The following COQ7 variants were observed in gnomAD, a reference collection of about 807,000 sequenced individuals.
COQ7 encodes the protein NADPH-dependent 3-demethoxyubiquinone 3-hydroxylase, mitochondrial.
A neutral mutation model predicts 25.0 loss-of-function variants in COQ7; 21 were observed. The ratio of observed to expected loss-of-function variants is 0.84; its 90% CI spans 0.60 to 1.21. The LOEUF (loss-of-function observed/expected upper bound fraction) is 1.21, where lower values mean the gene tolerates loss of function less well. Ranked by LOEUF, COQ7 falls within the 50% of genes most tolerant of loss-of-function variation. COQ7 has a pLI of 0.00. For synonymous variants in COQ7, 125 were observed against 112.4 expected (o/e 1.11, Z -0.71); for missense variants, 311 against 296.2 (o/e 1.05, Z -0.37).
At chr16:19,075,586 A>G in intron 3 of COQ7, 135 bp from the exon 4 acceptor site, 2 of 907,096 alleles carry the variant, frequency 2.2e-6, no homozygotes, top group Non-Finnish European at 3.3e-6. Context: ...CCCACCATGC[A>G]TGGGACAGCC....
Position 19,075,711 on chromosome 16 carries a change from A to C in COQ7, c.368-10A>C, listed in dbSNP as rs1353245838. ...CTCTTACTTTTCTGGTCTGGGTTTA[A>C]CAATCCCAGGGGCGGGGACCGCCTT... On this transcript the variant is annotated splice_polypyrimidine_tract_variant and intron_variant, in intron 3 of 5. Transcript: ENST00000321998. 1 of 1,556,618 alleles carries C rather than the reference A, an allele frequency of 6.4e-7. No individual in the cohort carries two copies. The highest frequency in any genetic ancestry group is 8.7e-7 in the Non-Finnish European group (1 of 1,155,834).
chr16:19,077,629 C>G (rs1231987476), intron 5 of COQ7, among the ~76,000 whole-genome samples: 1 of 102,968 alleles, frequency 9.7e-6, no homozygotes, highest in Non-Finnish European at 2.0e-5. Context: ...CACTCTGTCT[C>G]CCATGCTGGA....
At chr16:19,077,939 G>C in intron 5 of COQ7, 142 bp from the exon 6 acceptor site, 1 of 565,626 alleles carries the variant, frequency 1.8e-6, no homozygotes, top group East Asian at 3.3e-5. Context: ...CTTTTGAATA[G>C]CTTTCTTTGA....
chr16:19,072,184 A>C (rs1962598820), intron 2 of COQ7, 78 bp downstream of exon 2: 3 of 1,553,816 alleles, frequency 1.9e-6, no homozygotes, highest in Admixed American at 1.7e-5. Context: ...GAATCATGGG[A>C]GGTCAAGCGT....
At chr16:19,071,867 C>G in intron 1 of COQ7, 61 bp from the exon 2 acceptor site, 10 of 1,592,476 alleles carry the variant, frequency 6.3e-6, no homozygotes, top group Non-Finnish European at 8.6e-6. Flanking sequence ...TTTCTGCTGT[C>G]TGTAAAAGGA....
At chr16:19,069,163 G>A (rs1472446029) in intron 1 of COQ7, among the ~76,000 whole-genome samples, 1 of 152,132 alleles carries the variant, frequency 6.6e-6, no homozygotes, top group Non-Finnish European at 1.5e-5. Context: ...ATAAAGTGAT[G>A]CATTTGAGAG....
At chr16:19,071,535 C>T (rs1962557526) in intron 1 of COQ7, among the ~76,000 whole-genome samples, 1 of 152,222 alleles carries the variant, frequency 6.6e-6, no homozygotes, top group African/African-American at 2.4e-5. Flanking sequence ...CAGAGAGCCC[C>T]CTCCCAGAGA....
At chr16:19,075,358 A>G (rs1356752748) in intron 3 of COQ7, among the ~76,000 whole-genome samples, 1 of 151,870 alleles carries the variant, frequency 6.6e-6, no homozygotes, top group Non-Finnish European at 1.5e-5. Flanking sequence ...GCCCACCACC[A>G]CACTGACTAA....
chr16:19,078,137 A>G lies in COQ7; in HGVS notation c.633A>G (p.Ile211Met), dbSNP rs1324293660. 1 of 1,612,056 alleles carries G rather than the reference A, an allele frequency of 6.2e-7. No individual in the cohort carries two copies. The part of the protein sequence containing the change: ...SIIQAGCRVA[I>M]YLSERL The stretch of plus-strand genomic sequence containing the variant: ...TCCAGGCCGGATGCAGAGTGGCGAT[A>G]TATTTATCAGAAAGATTATAAAGTG... The change falls in exon 6 of 6, where the codon ATA becomes ATG. Residue 211 changes from isoleucine (I) to methionine (M), a missense_variant. Transcript: ENST00000321998.
chr16:19,070,820 A>G (rs1962518178), intron 1 of COQ7, among the ~76,000 whole-genome samples: 1 of 151,968 alleles, frequency 6.6e-6, no homozygotes, highest in African/African-American at 2.4e-5. Flanking sequence ...TTAGGTCACT[A>G]TTTTCCGTAT....
downstream of COQ7, among the ~76,000 whole-genome samples, chr16:19,082,195 A>T (rs1268234893): frequency 6.6e-6 from 1 of 152,260 alleles, no homozygotes; most frequent in Admixed American, 6.5e-5. Flanking sequence ...TACATGATAC[A>T]ACATGGATGA....
Position 19,076,646 on chromosome 16 carries a change from G to A in COQ7, c.508-660G>A, listed in dbSNP as rs192277785. On this transcript the variant is annotated intron_variant, in intron 4 of 5. Coordinates refer to ENST00000321998, the MANE Select transcript of COQ7 (RefSeq NM_016138.5). The stretch of plus-strand genomic sequence containing the variant: ...GTCTCACTCTGTCCCCAAGGCTGGA[G>A]TGCAGTGGTCTCCGCCTGCATTGCA... Among the ~76,000 whole-genome samples, 502 of 143,966 alleles carry A rather than the reference G, an allele frequency of 3.5e-3. 3 individuals carry two copies. The highest frequency in any genetic ancestry group is 0.012 in the African/African-American group (479 of 38,412). 94.4% of individuals were successfully genotyped at this position (143,966 alleles called of 152,430 possible).
At chr16:19,075,666 C>T (rs907964250) in intron 3 of COQ7, 55 bp from the exon 4 acceptor site, 1 of 1,517,084 alleles carries the variant, frequency 6.6e-7, no homozygotes, top group African/African-American at 1.4e-5. Context: ...CAGATGGTCT[C>T]CATTACCGGT....
chr16:19,071,011 GA>G (rs1478625747), intron 1 of COQ7, among the ~76,000 whole-genome samples: 1 of 152,206 alleles, frequency 6.6e-6, no homozygotes, highest in African/African-American at 2.4e-5. Flanking sequence ...TTTACATTTT[GA>G]AGATGAGAGT....
intron 1 of COQ7, chr16:19,068,011 G>A (rs899688850): frequency 7.6e-7 from 1 of 1,323,034 alleles, no homozygotes; most frequent in Non-Finnish European, 9.6e-7. Context: ...CACGGCAGGT[G>A]CGGCCAGCGT....
At chr16:19,074,190 G>A in intron 3 of COQ7, 155 bp downstream of exon 3, 2 of 545,998 alleles carry the variant, frequency 3.7e-6, no homozygotes, top group East Asian at 3.2e-5. Context: ...CTTTTTTTGT[G>A]TGTGGTTAAA....
chr16:19,069,409 CTTT>C (rs67523316), intron 1 of COQ7, among the ~76,000 whole-genome samples: 9 of 119,338 alleles, frequency 7.5e-5, no homozygotes, highest in Non-Finnish European at 1.0e-4. Context: ...TGATTATTGC[CTTT>C]TTTTTTTTTT....
rs775964112 is a variant in COQ7, at chr16:19,075,681, T to C, written c.368-40T>C. 7 of 1,530,276 alleles carry C rather than the reference T, an allele frequency of 4.6e-6. No homozygotes were observed. The East Asian group carries it at 9.2e-5, about 20-fold the overall frequency. The allele number at this position is 1,530,276 out of a possible 1,614,324, so 94.8% of individuals were successfully genotyped here. A position where few individuals can be genotyped will look rare whatever the true frequency, so the allele number is the denominator to read the frequency against. ...CAGATGGTCTCCATTACCGGTCATA[T>C]CTGTCTCTTACTTTTCTGGTCTGGG... On this transcript the variant is annotated intron_variant, in intron 3 of 5. Coordinates refer to ENST00000321998, the MANE Select transcript of COQ7 (RefSeq NM_016138.5).
intron 1 of COQ7, among the ~76,000 whole-genome samples, chr16:19,071,143 G>GTTTA (rs1050308505): frequency 2.5e-4 from 36 of 146,202 alleles, no homozygotes; most frequent in African/African-American, 9.0e-4. Context: ...TTGTTTGTTT[G>GTTTA]TTTTTGTTTT....
Sources: allele counts gnomAD v4.1 joint callset (sites outside exome capture counted in the v4.1 genomes callset), GRCh38; gene constraint gnomAD v4.1.1; transcripts MANE v1.5; gene names NCBI Gene and HGNC (gene_info 2026-07-23, HGNC 2026-07-21).